COMMD10: variants seen among roughly 807,000 people sequenced by gnomAD.
The protein encoded by COMMD10 is COMM domain containing 10, also known as COMM domain-containing protein 10.
COMMD10 carries 33 observed loss-of-function variants against 28.9 expected under a neutral mutation model. The ratio of observed to expected loss-of-function variants is 1.14; its 90% CI spans 0.87 to 1.53. The LOEUF (loss-of-function observed/expected upper bound fraction) is 1.53. COMMD10 is among the 40% of genes most tolerant of loss of function. COMMD10 has a pLI of 0.00. For missense variants in COMMD10, 310 were observed against 233.4 expected (o/e 1.33, Z -2.14); for synonymous variants, 110 against 81.7 (o/e 1.35, Z -1.87).
At chr5:116,201,125 A>G (rs1363904559) in intron 5 of COMMD10, among the ~76,000 whole-genome samples, 1 of 152,158 alleles carries the variant, frequency 6.6e-6, no homozygotes, top group Non-Finnish European at 1.5e-5. Flanking sequence ...GCTAGTGCCA[A>G]CTGGAGTTGG....
chr5:116,142,559 G>A lies in COMMD10; in HGVS notation c.510+8381G>A, dbSNP rs147796656. On this transcript the variant is annotated intron_variant, in intron 5 of 6. Transcript: ENST00000274458. ...CATTTTGGGGAATATACACAGAAAC[G>A]CAAACGTTGCATTCAGAAGATTTCT... 5.9e-5 allele frequency among the ~76,000 whole-genome samples: 9 copies of A among 151,796 alleles called. No homozygotes were observed. The East Asian group carries it at 1.6e-3, about 26-fold the overall frequency.
Position 116,230,863 on chromosome 5 carries a change from TGTAGACATCTTTA to T in COMMD10, c.511-60648_511-60636del, listed in dbSNP as rs546920126. Reference sequence around the variant, plus strand: ...TATAGATAAATAATACGTGTGTGTGTGTAGACATCTTTAGTAGAAACAGCTTTTCAGATACTGA... The same window carrying T: ...TATAGATAAATAATACGTGTGTGTGTGTAGAAACAGCTTTTCAGATACTGA... On this transcript the variant is annotated intron_variant, in intron 5 of 6. Coordinates refer to ENST00000274458, the MANE Select transcript of COMMD10 (RefSeq NM_016144.4). Among the ~76,000 whole-genome samples the T allele has an allele frequency of 4.6e-3, 695 of 152,268 alleles. 4 individuals are homozygous for T. Among genetic ancestry groups the T allele is most frequent in the Non-Finnish European group, 6.4e-3 (433 of 67,998 alleles).
chr5:116,235,919 T>A (rs561430221), intron 5 of COMMD10, among the ~76,000 whole-genome samples: 1 of 152,314 alleles, frequency 6.6e-6, no homozygotes, highest in African/African-American at 2.4e-5. Flanking sequence ...TGGTGGTTTT[T>A]AAAAATTACT....
At chr5:116,204,727 T>G (rs1748766858) in intron 5 of COMMD10, among the ~76,000 whole-genome samples, 1 of 152,174 alleles carries the variant, frequency 6.6e-6, no homozygotes, top group Non-Finnish European at 1.5e-5. Flanking sequence ...AGTTTAACAT[T>G]ATACTCCATT....
intron 5 of COMMD10, among the ~76,000 whole-genome samples, chr5:116,147,553 A>G (rs772441734): frequency 1.1e-4 from 17 of 151,866 alleles, no homozygotes; most frequent in Non-Finnish European, 1.9e-4. Context: ...AATTTTGCTT[A>G]TAGTCAGTAA....
chr5:116,149,016 A>T (rs1417187598), intron 5 of COMMD10, among the ~76,000 whole-genome samples: 1 of 96,564 alleles, frequency 1.0e-5, no homozygotes, highest in African/African-American at 4.0e-5. Flanking sequence ...CCCACCCCAC[A>T]GCAGTCCCCA....
At chr5:116,144,517 T>G (rs1009550123) in intron 5 of COMMD10, among the ~76,000 whole-genome samples, 1 of 151,880 alleles carries the variant, frequency 6.6e-6, no homozygotes, top group Non-Finnish European at 1.5e-5. Context: ...CTCCATAGTC[T>G]GAGCTTATAA....
intron 5 of COMMD10, among the ~76,000 whole-genome samples, chr5:116,208,714 T>G (rs1474025389): frequency 6.6e-6 from 1 of 152,104 alleles, no homozygotes; most frequent in African/African-American, 2.4e-5. Flanking sequence ...TTTCTTGTCT[T>G]GCTTTTTCAC....
Position 116,292,798 on chromosome 5 carries a change from T to C in COMMD10, c.*309T>C. ...TTGCTTTCTTGCCTGTCCTGCTTAGTTTTTACTTGCTGGATGATACCATAA... is the reference window on the plus strand; with the variant it reads ...TTGCTTTCTTGCCTGTCCTGCTTAGCTTTTACTTGCTGGATGATACCATAA... On this transcript the variant is annotated 3_prime_UTR_variant, in exon 7 of 7. Coordinates refer to ENST00000274458, the MANE Select transcript of COMMD10 (RefSeq NM_016144.4). 2.5e-6 allele frequency: 1 copy of C among 399,162 alleles called. No individual in the cohort carries two copies. The highest frequency in any genetic ancestry group is 4.4e-6 in the Non-Finnish European group (1 of 226,600). The allele number at this position is 399,162 out of a possible 1,614,324, so 24.7% of individuals were successfully genotyped here.
At chr5:116,250,906 G>A (rs1750094438) in intron 5 of COMMD10, among the ~76,000 whole-genome samples, 1 of 151,954 alleles carries the variant, frequency 6.6e-6, no homozygotes, top group South Asian at 2.1e-4. Context: ...TGAACCATAT[G>A]GGAAAGGGTG....
chr5:116,256,018 T>G (rs1358020109), intron 5 of COMMD10, among the ~76,000 whole-genome samples: 1 of 151,654 alleles, frequency 6.6e-6, no homozygotes, highest in Non-Finnish European at 1.5e-5. Flanking sequence ...ATTTTCGTAT[T>G]CAATCTCAGC....
At chr5:116,209,134 T>C (rs888719678) in intron 5 of COMMD10, among the ~76,000 whole-genome samples, 1 of 152,146 alleles carries the variant, frequency 6.6e-6, no homozygotes, top group African/African-American at 2.4e-5. Context: ...TTTTTTCTTT[T>C]TGTTTGTAGT....
intron 5 of COMMD10, among the ~76,000 whole-genome samples, chr5:116,274,051 C>G (rs1750833816): frequency 1.3e-5 from 2 of 151,572 alleles, no homozygotes; most frequent in African/African-American, 4.9e-5. Context: ...ATCTAACAGC[C>G]TCTGCAACTG....
chr5:116,227,711 G>C (rs1271611328), intron 5 of COMMD10, among the ~76,000 whole-genome samples: 1 of 151,978 alleles, frequency 6.6e-6, no homozygotes, highest in Admixed American at 6.6e-5. Context: ...GACTTGATTG[G>C]TGATGCCGAG....
At chr5:116,238,544 A>T (rs886467898) in intron 5 of COMMD10, among the ~76,000 whole-genome samples, 1 of 152,216 alleles carries the variant, frequency 6.6e-6, no homozygotes. Context: ...TGAGAACCTC[A>T]TAAGTAAGTA....
chr5:116,267,884 C>G (rs1228806179), intron 5 of COMMD10, among the ~76,000 whole-genome samples: 2 of 151,832 alleles, frequency 1.3e-5, no homozygotes, highest in Non-Finnish European at 2.9e-5. Context: ...GCTGGGAAAA[C>G]TGGCTAGCCA....
intron 5 of COMMD10, among the ~76,000 whole-genome samples, chr5:116,174,360 G>A (rs1753434558): frequency 1.3e-5 from 2 of 152,072 alleles, no homozygotes; most frequent in South Asian, 4.1e-4. Flanking sequence ...GGAGGACATG[G>A]AATTCTGTAT....
rs972913454 is a variant in COMMD10 at position 116,268,230 on chromosome 5, A to T, written c.511-23287A>T. ...CAAAGGGCTAATATCCAGAATCTAC[A>T]AAGAACTTAAACAAATTTACAAGAA... On this transcript the variant is annotated intron_variant, in intron 5 of 6. Coordinates refer to ENST00000274458, the MANE Select transcript of COMMD10 (RefSeq NM_016144.4). Among the ~76,000 whole-genome samples the T allele has an allele frequency of 1.6e-3, 242 of 152,052 alleles. 13 individuals are homozygous for T. The highest frequency in any genetic ancestry group is 5.8e-3 in the African/African-American group (239 of 41,326).
intron 5 of COMMD10, among the ~76,000 whole-genome samples, chr5:116,275,462 A>G (rs1046347796): frequency 1.3e-5 from 2 of 151,700 alleles, no homozygotes; most frequent in African/African-American, 4.9e-5. Flanking sequence ...TGTGCCCTAT[A>G]CTTTGCCTGT....
Sources: gnomAD v4.1 joint callset for allele counts (sites outside exome capture counted in the v4.1 genomes callset) on GRCh38, gnomAD v4.1.1 for gene constraint, MANE v1.5 for transcripts, NCBI Gene and HGNC (gene_info 2026-07-23, HGNC 2026-07-21) for gene names.